YWHAQ: variants seen among roughly 807,000 people sequenced by gnomAD.
The protein encoded by YWHAQ is 14-3-3 protein theta.
A neutral mutation model predicts 28.3 loss-of-function variants in YWHAQ; 6 were observed. The ratio of observed to expected loss-of-function variants is 0.21; its 90% CI spans 0.12 to 0.42. The LOEUF is 0.42. YWHAQ is among the 10% of genes least tolerant of loss of function. The probability of loss-of-function intolerance (pLI) is 1.00; values close to 1 mark genes in which losing one functional copy is unlikely to be tolerated. For missense variants in YWHAQ, 201 were observed against 305.6 expected, an observed-to-expected ratio of 0.66 and a Z score of 2.55; for synonymous variants, 143 against 119.1, an observed-to-expected ratio of 1.20 and a Z score of -1.31.
At chr2:9,628,906 A>G (rs1158324759) in intron 2 of YWHAQ, 1 of 152,070 alleles carries the variant, frequency 6.6e-6, no homozygotes, top group African/African-American at 2.4e-5. Flanking sequence ...TTTACCAGTT[A>G]TTTCCATCAG....
chr2:9,597,634 CAAA>C (rs562319001), intron 2 of YWHAQ, among the ~76,000 whole-genome samples: 1 of 75,308 alleles, frequency 1.3e-5, no homozygotes. Flanking sequence ...AACTCCGTCT[CAAA>C]AAAAAAAAAA....
chr2:9,619,085 A>C (rs566374105), intron 2 of YWHAQ, among the ~76,000 whole-genome samples: 60 of 152,302 alleles, frequency 3.9e-4, no homozygotes, highest in African/African-American at 1.4e-3. Flanking sequence ...GTGGGGGCTA[A>C]ATATGTTGCT....
At chr2:9,617,157 T>A (rs1219596617) in intron 2 of YWHAQ, among the ~76,000 whole-genome samples, 1 of 150,390 alleles carries the variant, frequency 6.6e-6, no homozygotes, top group Non-Finnish European at 1.5e-5. Context: ...AGAGACGGGG[T>A]TTCACCATGT....
intron 2 of YWHAQ, among the ~76,000 whole-genome samples, chr2:9,605,138 C>CT (rs746258966): frequency 6.2e-5 from 6 of 97,470 alleles, no homozygotes; most frequent in African/African-American, 3.5e-4. Context: ...ATTCTGTTCT[C>CT]TCTTTTTTTT....
At chr2:9,609,917 A>G (rs1357316365) in intron 2 of YWHAQ, among the ~76,000 whole-genome samples, 2 of 152,254 alleles carry the variant, frequency 1.3e-5, no homozygotes, top group Non-Finnish European at 2.9e-5. Context: ...AAAAGAAGTC[A>G]TCAATTAGAG....
intron 2 of YWHAQ, 26 bp from the exon 3 acceptor site, chr2:9,591,541 G>A (rs374320554): frequency 6.3e-7 from 1 of 1,589,786 alleles, no homozygotes; most frequent in African/African-American, 1.3e-5. Flanking sequence ...CAGAACATTA[G>A]GCACTAAACT....
At position 9,584,789 on chromosome 2, in the gene YWHAQ, A is replaced by G. The variant is rs1301077219; in HGVS notation, c.*497T>C. 6.4e-6 allele frequency: 1 copy of G among 156,258 alleles called. No individual in the cohort carries two copies. The highest frequency in any genetic ancestry group is 1.9e-4 in the East Asian group (1 of 5,280). 9.7% of individuals were successfully genotyped at this position (156,258 alleles called of 1,614,324 possible). ...GAGATGGCAAGTGCTTTTCCATTCA[A>G]TCTAATACTTCCGGATTCCTACTAA... On this transcript the variant is annotated 3_prime_UTR_variant, in exon 6 of 6. Coordinates refer to ENST00000238081, the MANE Select transcript of YWHAQ (RefSeq NM_006826.4).
At chr2:9,602,379 C>T (rs1666710439) in intron 2 of YWHAQ, among the ~76,000 whole-genome samples, 1 of 152,136 alleles carries the variant, frequency 6.6e-6, no homozygotes, top group Non-Finnish European at 1.5e-5. Flanking sequence ...CACACCACTG[C>T]ACTCCAGCCT....
At chr2:9,592,806 T>C (rs1666484096) in intron 2 of YWHAQ, among the ~76,000 whole-genome samples, 1 of 152,200 alleles carries the variant, frequency 6.6e-6, no homozygotes, top group African/African-American at 2.4e-5. Flanking sequence ...AATGTTAAGA[T>C]ACTAATACCT....
At chr2:9,596,680 T>C (rs1329375596) in intron 2 of YWHAQ, among the ~76,000 whole-genome samples, 1 of 148,560 alleles carries the variant, frequency 6.7e-6, no homozygotes, top group Admixed American at 6.7e-5. Flanking sequence ...CTAAGAAAGA[T>C]AAAGCCAAAT....
rs1666303005 is a variant in YWHAQ, at chr2:9,584,257, C to T, written c.*1029G>A. On this transcript the variant is annotated 3_prime_UTR_variant, in exon 6 of 6. Coordinates refer to ENST00000238081, the MANE Select transcript of YWHAQ (RefSeq NM_006826.4). Reference sequence around the variant, plus strand: ...ATATGGGTATGCAATTGTTACAAAGCCATAGTAAATGGTTTATAAAATGTA... The same window carrying T: ...ATATGGGTATGCAATTGTTACAAAGTCATAGTAAATGGTTTATAAAATGTA... The T allele has an allele frequency of 6.6e-6, 1 of 152,556 alleles. No individual in the cohort carries two copies. The highest frequency in any genetic ancestry group is 2.4e-5 in the African/African-American group (1 of 41,416). The allele number at this position is 152,556 out of a possible 1,614,324, so 9.5% of individuals were successfully genotyped here. A position where few individuals can be genotyped will look rare whatever the true frequency, so the allele number is the denominator to read the frequency against.
intron 2 of YWHAQ, among the ~76,000 whole-genome samples, chr2:9,598,722 T>C (rs1039255259): frequency 6.6e-6 from 1 of 152,214 alleles, no homozygotes; most frequent in Non-Finnish European, 1.5e-5. Context: ...ATATGCTGTG[T>C]CTGTTCTGAC....
chr2:9,586,003 T>C (rs1666337375), intron 5 of YWHAQ, among the ~76,000 whole-genome samples: 1 of 151,966 alleles, frequency 6.6e-6, no homozygotes, highest in African/African-American at 2.4e-5. Flanking sequence ...AGCAGCCCAA[T>C]GCTCTTCTTG....
intron 2 of YWHAQ, among the ~76,000 whole-genome samples, chr2:9,612,872 C>T (rs992146275): frequency 5.3e-5 from 8 of 152,178 alleles, no homozygotes; most frequent in African/African-American, 1.9e-4. Context: ...CATCCAACTA[C>T]AGCCTCTTGT....
intron 2 of YWHAQ, among the ~76,000 whole-genome samples, chr2:9,629,470 C>G (rs1025749346): frequency 6.6e-6 from 1 of 152,222 alleles, no homozygotes; most frequent in Non-Finnish European, 1.5e-5. Flanking sequence ...ACCTGGAAAG[C>G]TTTCCTTGTC....
intron 3 of YWHAQ, among the ~76,000 whole-genome samples, chr2:9,589,660 A>G (rs1373829483): frequency 6.6e-6 from 1 of 152,162 alleles, no homozygotes; most frequent in African/African-American, 2.4e-5. Flanking sequence ...GATCATCAAC[A>G]CCAAAATCTC....
At chr2:9,604,609 C>CCAAA (rs1666780579) in intron 2 of YWHAQ, among the ~76,000 whole-genome samples, 1 of 152,138 alleles carries the variant, frequency 6.6e-6, no homozygotes, top group Non-Finnish European at 1.5e-5. Context: ...ACAACCACAA[C>CCAAA]CAAACATGGA....
chr2:9,607,578 T>C (rs1051990012), intron 2 of YWHAQ, among the ~76,000 whole-genome samples: 1 of 152,162 alleles, frequency 6.6e-6, no homozygotes, highest in African/African-American at 2.4e-5. Flanking sequence ...CAAGTGAATA[T>C]GACTGTGATT....
At chr2:9,607,667 C>T (rs1464273763) in intron 2 of YWHAQ, among the ~76,000 whole-genome samples, 3 of 151,076 alleles carry the variant, frequency 2.0e-5, no homozygotes, top group African/African-American at 7.3e-5. Context: ...TCTACCTGAC[C>T]ATATGAAATG....
Sources: allele counts gnomAD v4.1 joint callset (sites outside exome capture counted in the v4.1 genomes callset), GRCh38; gene constraint gnomAD v4.1.1; transcripts MANE v1.5; gene names NCBI Gene and HGNC (gene_info 2026-07-23, HGNC 2026-07-21).